FANCI: variants seen among roughly 807,000 people sequenced by gnomAD.
FANCI encodes the protein Fanconi anemia group I protein.
FANCI carries 156 observed loss-of-function variants against 176.1 expected under a neutral mutation model. The observed-to-expected ratio is 0.89, with a 90% CI of 0.78 to 1.01. FANCI has a LOEUF of 1.01. Ranked by LOEUF, FANCI falls within the 50% of genes least tolerant of loss-of-function variation. FANCI has a pLI of 0.00. For synonymous variants in FANCI, 613 were observed against 541.7 expected (o/e 1.13, Z -1.83); for missense variants, 1,678 against 1,534.1 (o/e 1.09, Z -1.57).
At chr15:89,281,668 C>T in intron 15 of FANCI, 97 bp from the exon 16 acceptor site, 1 of 1,117,110 alleles carries the variant, frequency 9.0e-7, no homozygotes, top group Non-Finnish European at 1.4e-6. Flanking sequence ...CAGAAGTAAG[C>T]TTCCTTATAG....
chr15:89,261,544 G>A, intron 4 of FANCI, 41 bp from the exon 5 acceptor site: 1 of 1,610,200 alleles, frequency 6.2e-7, no homozygotes, highest in Non-Finnish European at 8.5e-7. Context: ...ATCAAACATT[G>A]GATTTCTGCT....
intron 34 of FANCI, among the ~76,000 whole-genome samples, chr15:89,308,482 C>G (rs1254661774): frequency 6.6e-6 from 1 of 152,214 alleles, no homozygotes; most frequent in Admixed American, 6.5e-5. Flanking sequence ...CACTAAGTGT[C>G]AATCTCAGCC....
At chr15:89,272,468 A>G (rs1052375300) in intron 10 of FANCI, among the ~76,000 whole-genome samples, 5 of 152,038 alleles carry the variant, frequency 3.3e-5, no homozygotes, top group South Asian at 4.1e-4. Context: ...CTTTTGAAGT[A>G]CAAAAGTTTT....
intron 3 of FANCI, among the ~76,000 whole-genome samples, chr15:89,259,586 T>C (rs2052632128): frequency 6.6e-6 from 1 of 152,176 alleles, no homozygotes; most frequent in Non-Finnish European, 1.5e-5. Flanking sequence ...ATTACCACAA[T>C]TGATTTTAAA....
At chr15:89,245,018 A>C (rs1304640071) in intron 1 of FANCI, among the ~76,000 whole-genome samples, 1 of 152,082 alleles carries the variant, frequency 6.6e-6, no homozygotes, top group African/African-American at 2.4e-5. Flanking sequence ...TCCTTAGGGG[A>C]CTTATAGTCT....
Position 89,268,469 on chromosome 15 carries a change from G to A in FANCI, c.826G>A (p.Val276Met), listed in dbSNP as rs1324458562. ...HVEGTIILHIVFAIKLDYELG... is the reference protein window; with the variant it reads ...HVEGTIILHIMFAIKLDYELG... The stretch of plus-strand genomic sequence containing the variant: ...GGAAGGCACCATTATTCTACACATT[G>A]TGTTTGCCATCAAATTGGACTATGA... Residue 276 changes from valine to methionine, a missense_variant, in exon 10 of 38, where the codon GTG (valine) becomes ATG (methionine). By Grantham distance (21) the Val-to-Met change is conservative (BLOSUM62 1). Transcript: ENST00000310775. 2 of 1,614,150 alleles carry A rather than the reference G, an allele frequency of 1.2e-6. No homozygotes were observed. Among genetic ancestry groups the A allele is most frequent in the Admixed American group, 1.7e-5 (1 of 60,020 alleles).
intron 2 of FANCI, among the ~76,000 whole-genome samples, chr15:89,251,080 A>G (rs943868861): frequency 3.9e-5 from 6 of 152,130 alleles, no homozygotes. Flanking sequence ...TATAATAATC[A>G]AAACAGTGGA....
intron 2 of FANCI, among the ~76,000 whole-genome samples, chr15:89,253,606 T>G (rs1455203154): frequency 2.0e-5 from 3 of 152,106 alleles, no homozygotes; most frequent in African/African-American, 7.2e-5. Context: ...GTGAAAAGCT[T>G]TCTAACTGTC....
intron 28 of FANCI, among the ~76,000 whole-genome samples, chr15:89,304,282 T>G (rs1490010160): frequency 6.6e-6 from 1 of 152,144 alleles, no homozygotes; most frequent in Non-Finnish European, 1.5e-5. Context: ...GTAGAAAGGA[T>G]AAAAGAATTA....
At chr15:89,275,060 C>T (rs945867946) in intron 12 of FANCI, among the ~76,000 whole-genome samples, 2 of 150,748 alleles carry the variant, frequency 1.3e-5, no homozygotes, top group Non-Finnish European at 2.9e-5. Context: ...GCATGTAGCC[C>T]TGTGCCTGGC....
In FANCI at chr15:89,247,611, G is replaced by C. The variant is rs994064573; in HGVS notation, c.-19-18G>C. 1.2e-5 allele frequency: 19 copies of C among 1,561,596 alleles called. No homozygotes were observed. The highest frequency in any genetic ancestry group is 1.7e-5 in the Non-Finnish European group (19 of 1,132,360). ...ATTTCTGGAATCTTCACCCACCTCTGACGTTTTTCCCTTGTAGTTCTGTGA... is the reference window on the plus strand; with the variant it reads ...ATTTCTGGAATCTTCACCCACCTCTCACGTTTTTCCCTTGTAGTTCTGTGA... On this transcript the variant is annotated intron_variant, in intron 1 of 37. Coordinates refer to ENST00000310775, the MANE Select transcript of FANCI (RefSeq NM_001113378.2).
At chr15:89,313,140 A>G (rs1215655492) in intron 35 of FANCI, among the ~76,000 whole-genome samples, 168 bp downstream of exon 35, 1 of 150,496 alleles carries the variant, frequency 6.6e-6, no homozygotes, top group African/African-American at 2.4e-5. Context: ...GCGTAGAGCT[A>G]GGTGGGTTGG....
intron 34 of FANCI, chr15:89,307,991 T>C: frequency 1.6e-6 from 2 of 1,254,288 alleles, no homozygotes; most frequent in Non-Finnish European, 2.0e-6. Context: ...TGAGGCATCC[T>C]CTGGGAATGT....
At chr15:89,313,089 C>T (rs2055034944) in intron 35 of FANCI, 117 bp downstream of exon 35, 1 of 1,025,590 alleles carries the variant, frequency 9.8e-7, no homozygotes, top group African/African-American at 1.6e-5. Flanking sequence ...CATGAAGTGC[C>T]CAGAATAAAT....
Position 89,263,960 on chromosome 15 carries a change from G to A in FANCI, c.603G>A (p.Met201Ile). The part of the protein sequence containing the change: ...VEFVVEKALS[M>I]FSKMNLQEIP... ...TTGTGGTGGAAAAAGCATTGAGCATGTTCTCCAAGATGAATCTTCAAGAAA... is the reference window on the plus strand; with the variant it reads ...TTGTGGTGGAAAAAGCATTGAGCATATTCTCCAAGATGAATCTTCAAGAAA... The change falls in exon 8 of 38, where the codon ATG becomes ATA. Residue 201 changes from methionine (M) to isoleucine (I), a missense_variant. Physicochemically the swap from Met to Ile is conservative, Grantham distance 10. Coordinates refer to ENST00000310775, the MANE Select transcript of FANCI (RefSeq NM_001113378.2). 3 of 1,614,072 alleles carry A rather than the reference G, an allele frequency of 1.9e-6. No individual in the cohort carries two copies. The highest frequency in any genetic ancestry group is 2.5e-6 in the Non-Finnish European group (3 of 1,179,932).
chr15:89,301,229 T>G (rs564634304), intron 26 of FANCI, 97 bp from the exon 27 acceptor site: 93 of 832,576 alleles, frequency 1.1e-4, no homozygotes, highest in Non-Finnish European at 2.0e-4. Context: ...TTGAATTCTT[T>G]CTGTCCTAGT....
chr15:89,316,903 T>A lies in FANCI; in HGVS notation c.*444T>A. The A allele has an allele frequency of 9.5e-7, 1 of 1,056,778 alleles. No homozygotes were observed. The highest frequency in any genetic ancestry group is 1.5e-6 in the Non-Finnish European group (1 of 671,828). 65.5% of individuals were successfully genotyped at this position (1,056,778 alleles called of 1,614,324 possible). The stretch of plus-strand genomic sequence containing the variant: ...AGAGCTCAGAAGTGAGCAAAGGAGC[T>A]TAATGCTAAGGTCAAAAGGAGAGTG... On this transcript the variant is annotated 3_prime_UTR_variant, in exon 38 of 38. Transcript: ENST00000310775.
intron 14 of FANCI, among the ~76,000 whole-genome samples, chr15:89,280,222 A>G (rs974033463): frequency 2.0e-5 from 3 of 152,040 alleles, no homozygotes; most frequent in African/African-American, 7.3e-5. Flanking sequence ...GTGTTTCACC[A>G]TGTTGGCCAG....
chr15:89,271,155 T>A (rs1215285415), intron 10 of FANCI, among the ~76,000 whole-genome samples: 1 of 152,238 alleles, frequency 6.6e-6, no homozygotes, highest in Non-Finnish European at 1.5e-5. Context: ...TTAAACTTTT[T>A]GAGGCACAAT....
Sources: allele counts gnomAD v4.1 joint callset (sites outside exome capture counted in the v4.1 genomes callset), GRCh38; gene constraint gnomAD v4.1.1; transcripts MANE v1.5; gene names NCBI Gene and HGNC (gene_info 2026-07-23, HGNC 2026-07-21).